The following LGMN variants were observed in gnomAD, a reference collection of about 807,000 sequenced individuals.
The protein encoded by LGMN is legumain, also known as asparaginyl endopeptidase.
Under a neutral mutation model 56.8 loss-of-function variants are expected in LGMN, and 36 were observed. The ratio of observed to expected loss-of-function variants is 0.63; its 90% confidence interval spans 0.49 to 0.84. LGMN has a LOEUF of 0.84. Ranked by LOEUF, LGMN falls within the 40% of genes least tolerant of loss-of-function variation. LGMN has a pLI of 0.00. For missense variants in LGMN, 446 were observed against 556.1 expected (o/e 0.80, Z 1.99); for synonymous variants, 199 against 210.1 (o/e 0.95, Z 0.46).
At chr14:92,737,989 T>A (rs1891380052) in intron 1 of LGMN, among the ~76,000 whole-genome samples, 1 of 152,190 alleles carries the variant, frequency 6.6e-6, no homozygotes, top group African/African-American at 2.4e-5. Context: ...CTGAGTTTCG[T>A]TCATATGACA....
At chr14:92,722,660 TA>T (rs1308290622) in intron 2 of LGMN, among the ~76,000 whole-genome samples, 1 of 151,980 alleles carries the variant, frequency 6.6e-6, no homozygotes, top group South Asian at 2.1e-4. Flanking sequence ...AAGACATTAT[TA>T]AAAAAATGAA....
intron 2 of LGMN, among the ~76,000 whole-genome samples, chr14:92,721,176 C>T (rs1255583404): frequency 1.3e-5 from 2 of 152,176 alleles, no homozygotes; most frequent in African/African-American, 4.8e-5. Context: ...AGATGCAAGC[C>T]ACGGCGCCTG....
chr14:92,746,655 C>T (rs1891832020), intron 1 of LGMN, among the ~76,000 whole-genome samples: 1 of 152,176 alleles, frequency 6.6e-6, no homozygotes, highest in Non-Finnish European at 1.5e-5. Flanking sequence ...GTAAATGTGG[C>T]TTCCTGGACA....
intron 1 of LGMN, among the ~76,000 whole-genome samples, chr14:92,735,516 C>T (rs192892047): frequency 6.6e-6 from 1 of 152,112 alleles, no homozygotes; most frequent in Admixed American, 6.6e-5. Context: ...CATGAGACTG[C>T]ATTTCTAACA....
At position 92,718,810 on chromosome 14, in the gene LGMN, C is replaced by T. The variant is rs1488328832; in HGVS notation, c.173G>A (p.Arg58His). Residue 58 changes from arginine (R) to histidine (H), a missense_variant, in exon 3 of 14, where the codon CGC becomes CAC. Arg to His is a conservative substitution (Grantham distance 29). Coordinates refer to ENST00000334869, the MANE Select transcript of LGMN (RefSeq NM_005606.7). ...DACHAYQIIHRNGIPDEQIVV... is the reference protein window; with the variant it reads ...DACHAYQIIHHNGIPDEQIVV... ...GATCTGTTCGTCAGGAATCCCATTG[C>T]GGTGAATGATCTGGTAGGCATGGCA... The T allele has an allele frequency of 5.0e-6, 8 of 1,612,924 alleles. 1 individual carries two copies. Among genetic ancestry groups the T allele is most frequent in the Middle Eastern group, 1.7e-4 (1 of 6,060 alleles).
chr14:92,708,881 A>AAAAAAAAAAAAAAAAAC (rs1889587964), intron 11 of LGMN, among the ~76,000 whole-genome samples: 2 of 146,402 alleles, frequency 1.4e-5, no homozygotes, highest in African/African-American at 2.5e-5. Context: ...AAAAAAAAAA[A>AAAAAAAAAAAAAAAAAC]TCTTGCCTAG....
rs926980345 is a variant in LGMN at position 92,748,475 on chromosome 14, G to A, written c.-30+14C>T. 1 of 154,266 alleles carries A rather than the reference G, an allele frequency of 6.5e-6. No homozygotes were observed. The highest frequency in any genetic ancestry group is 2.4e-5 in the African/African-American group (1 of 41,476). The allele number at this position is 154,266 out of a possible 1,614,324, so 9.6% of individuals were successfully genotyped here. A position where few individuals can be genotyped will look rare whatever the true frequency, so the allele number is the denominator to read the frequency against. On this transcript the variant is annotated intron_variant, in intron 1 of 13. Transcript: ENST00000334869. ...GGGGACTGAACCCGGTTCTGTGCTG[G>A]GGCTCGCGGTTACCTGTGGCAGGCG...
intron 1 of LGMN, among the ~76,000 whole-genome samples, chr14:92,742,298 TTTTTTTTC>T (rs1166618320): frequency 9.8e-6 from 1 of 101,814 alleles, no homozygotes; most frequent in Non-Finnish European, 1.9e-5. Flanking sequence ...TTTGCTTTTT[TTTTTTTTC>T]TTTTTTTTTG....
chr14:92,717,233 C>T (rs1890115765), intron 4 of LGMN, 147 bp downstream of exon 4: 1 of 543,578 alleles, frequency 1.8e-6, no homozygotes, highest in Admixed American at 3.0e-5. Flanking sequence ...ATAATTTACT[C>T]CTCAGGCAAA....
In LGMN at chr14:92,735,352, GCC is replaced by G. The variant is rs1364021237; in HGVS notation, c.-29-2539_-29-2538del. On this transcript the variant is annotated intron_variant, in intron 1 of 13. Transcript: ENST00000334869. The stretch of plus-strand genomic sequence containing the variant: ...CTCCTGAGTAGCTGAGATTACAGGT[GCC>G]CACCACCATGCCCAGCTAATTTTTG... Among the ~76,000 whole-genome samples the G allele has an allele frequency of 3.0e-3, 453 of 152,240 alleles. 3 individuals are homozygous for G. Among genetic ancestry groups the G allele is most frequent in the African/African-American group, 0.011 (436 of 41,518 alleles).
intron 1 of LGMN, among the ~76,000 whole-genome samples, chr14:92,733,413 G>C (rs189988619): frequency 6.6e-6 from 1 of 152,076 alleles, no homozygotes; most frequent in Non-Finnish European, 1.5e-5. Context: ...AGTTTTTGAC[G>C]TAACTCAAAA....
At chr14:92,747,365 C>T (rs1008009735) in intron 1 of LGMN, among the ~76,000 whole-genome samples, 1 of 152,110 alleles carries the variant, frequency 6.6e-6, no homozygotes, top group Non-Finnish European at 1.5e-5. Flanking sequence ...GTGGCAGGTG[C>T]CTGTAATCCC....
chr14:92,725,002 A>C (rs1890673647), intron 2 of LGMN, among the ~76,000 whole-genome samples: 1 of 152,188 alleles, frequency 6.6e-6, no homozygotes, highest in South Asian at 2.1e-4. Context: ...CGCTGAGCCC[A>C]CTGCCAACCC....
In LGMN at chr14:92,704,070, G is replaced by A; in HGVS notation, c.*249C>T. On this transcript the variant is annotated 3_prime_UTR_variant, in exon 14 of 14. Transcript: ENST00000334869. ...AACAGGCAAAACAACAAACCTCCTA[G>A]AAAGCAAATATGACCCTTCTCAATA... The A allele has an allele frequency of 4.3e-6, 3 of 702,636 alleles. No homozygotes were observed. Among genetic ancestry groups the A allele is most frequent in the Non-Finnish European group, 7.8e-6 (3 of 386,196 alleles). 43.5% of individuals were successfully genotyped at this position (702,636 alleles called of 1,614,324 possible).
chr14:92,740,486 G>A (rs1891498307), intron 1 of LGMN, among the ~76,000 whole-genome samples: 1 of 152,194 alleles, frequency 6.6e-6, no homozygotes, highest in Admixed American at 6.5e-5. Context: ...CTGGGACCAC[G>A]CAGATCTGAC....
chr14:92,724,043 A>C (rs907551948), intron 2 of LGMN, among the ~76,000 whole-genome samples: 2 of 152,230 alleles, frequency 1.3e-5, no homozygotes, highest in African/African-American at 4.8e-5. Context: ...CCAAAGGATC[A>C]TACTGGGATG....
At chr14:92,709,148 A>G (rs1490947670) in intron 11 of LGMN, among the ~76,000 whole-genome samples, 1 of 152,088 alleles carries the variant, frequency 6.6e-6, no homozygotes, top group Non-Finnish European at 1.5e-5. Flanking sequence ...TTTTCTGAGA[A>G]CAGCAGAAAT....
chr14:92,706,491 A>G lies in LGMN; in HGVS notation c.1183T>C (p.Ser395Pro), dbSNP rs1889434513. The change falls in exon 12 of 14, where the codon TCC becomes CCC. Residue 395 changes from serine (S) to proline (P), a missense_variant. Physicochemically the swap from Ser to Pro is moderately conservative, Grantham distance 74. Coordinates refer to ENST00000334869, the MANE Select transcript of LGMN (RefSeq NM_005606.7). ...HFRTHCFNWH[S>P]PTYEYALRHL... ...AGAGCCTGCTGGCTCACCGTGGGGG[A>G]GTGCCAGTTGAAGCAGTGGGTCCGG... The G allele has an allele frequency of 6.5e-7, 1 of 1,546,266 alleles. No individual in the cohort carries two copies. The highest frequency in any genetic ancestry group is 8.8e-7 in the Non-Finnish European group (1 of 1,134,472).
chr14:92,715,214 G>GTGTGT (rs1555397591), intron 5 of LGMN, among the ~76,000 whole-genome samples: 48 of 149,036 alleles, frequency 3.2e-4, no homozygotes, highest in Middle Eastern at 3.4e-3. Context: ...GGTCAGGGTG[G>GTGTGT]GTGTGTGTGT....
Sources: allele counts gnomAD v4.1 joint callset (sites outside exome capture counted in the v4.1 genomes callset), GRCh38; gene constraint gnomAD v4.1.1; transcripts MANE v1.5; gene names NCBI Gene and HGNC (gene_info 2026-07-23, HGNC 2026-07-21).